CREB5: variants seen among roughly 807,000 people sequenced by gnomAD.
The protein encoded by CREB5 is cyclic AMP-responsive element-binding protein 5.
A neutral mutation model predicts 57.1 loss-of-function variants in CREB5; 19 were observed. That is an observed-to-expected ratio of 0.33 (90% confidence interval 0.23 to 0.49). CREB5 has a LOEUF of 0.49. Ranked by LOEUF, CREB5 falls within the 20% of genes least tolerant of loss-of-function variation. The pLI is 0.99. For synonymous variants in CREB5, 238 were observed against 238.3 expected (o/e 1.00, Z 0.01); for missense variants, 579 against 671.6 (o/e 0.86, Z 1.52).
chr7:28,769,447 A>G (rs1338383832), intron 7 of CREB5, among the ~76,000 whole-genome samples: 1 of 152,254 alleles, frequency 6.6e-6, no homozygotes, highest in East Asian at 1.9e-4. Flanking sequence ...CATGTTACAT[A>G]TACCCATAAA....
At position 28,665,438 on chromosome 7, in the gene CREB5, A is replaced by T. The variant is rs17156994; in HGVS notation, c.465-53315A>T. 2.1e-3 allele frequency among the ~76,000 whole-genome samples: 326 copies of T among 152,226 alleles called. 6 individuals carry two copies. In the East Asian group the frequency reaches 0.047, roughly 22 times the overall value. On this transcript the variant is annotated intron_variant, in intron 5 of 10. Transcript: ENST00000357727. ...GCTAATAAAACATAAAAACTCAAAGATGTTGTACATGGGCCATTTTTCTGA... is the reference window on the plus strand; with the variant it reads ...GCTAATAAAACATAAAAACTCAAAGTTGTTGTACATGGGCCATTTTTCTGA...
chr7:28,803,992 C>T (rs970260014), intron 7 of CREB5, among the ~76,000 whole-genome samples: 1 of 152,038 alleles, frequency 6.6e-6, no homozygotes, highest in East Asian at 1.9e-4. Flanking sequence ...CTGACATTGA[C>T]CCTCCTACTG....
chr7:28,563,971 T>A (rs1175301903), intron 4 of CREB5, among the ~76,000 whole-genome samples: 1 of 152,188 alleles, frequency 6.6e-6, no homozygotes, highest in Non-Finnish European at 1.5e-5. Flanking sequence ...ATCCAAAAAA[T>A]ACCTGTCCTG....
At chr7:28,707,602 G>A (rs756644662) in intron 5 of CREB5, among the ~76,000 whole-genome samples, 2 of 152,154 alleles carry the variant, frequency 1.3e-5, no homozygotes. Flanking sequence ...TTAGGACTCC[G>A]AGAGGTTTGC....
In CREB5 at chr7:28,685,991, T is replaced by A. The variant is rs960041809; in HGVS notation, c.465-32762T>A. 5.9e-6 allele frequency: 4 copies of A among 680,576 alleles called. No individual in the cohort carries two copies. In the South Asian group the frequency reaches 7.7e-5, roughly 13 times the overall value. 42.2% of individuals were successfully genotyped at this position (680,576 alleles called of 1,614,324 possible). ...GCGAGACCAGGAGAAAGAGAGCAAG[T>A]GAGCGAGAGCCCAGCCGGAGGGAGA... On this transcript the variant is annotated intron_variant, in intron 5 of 10. Coordinates refer to ENST00000357727, the MANE Select transcript of CREB5 (RefSeq NM_182898.4).
intron 7 of CREB5, among the ~76,000 whole-genome samples, chr7:28,741,347 G>T (rs1235976714): frequency 6.6e-6 from 1 of 152,172 alleles, no homozygotes; most frequent in Non-Finnish European, 1.5e-5. Flanking sequence ...AGGGAAGAAT[G>T]AAATAGTACT....
At chr7:28,530,575 T>A (rs1793682437) in intron 4 of CREB5, among the ~76,000 whole-genome samples, 1 of 152,204 alleles carries the variant, frequency 6.6e-6, no homozygotes, top group Non-Finnish European at 1.5e-5. Context: ...TGCTGCAAAG[T>A]TCAATACAGA....
At chr7:28,521,588 G>A (rs1157654214) in intron 4 of CREB5, among the ~76,000 whole-genome samples, 1 of 152,094 alleles carries the variant, frequency 6.6e-6, no homozygotes, top group Non-Finnish European at 1.5e-5. Context: ...ATGATTTATT[G>A]TTTATTTATA....
At chr7:28,568,751 C>A (rs999863759) in intron 4 of CREB5, among the ~76,000 whole-genome samples, 1 of 152,144 alleles carries the variant, frequency 6.6e-6, no homozygotes, top group African/African-American at 2.4e-5. Flanking sequence ...GGACTCCTGA[C>A]AAACTGTGTG....
intron 5 of CREB5, among the ~76,000 whole-genome samples, chr7:28,630,900 A>G (rs1798176153): frequency 6.6e-6 from 1 of 152,170 alleles, no homozygotes; most frequent in South Asian, 2.1e-4. Context: ...CAGAGTATGT[A>G]TGGTACAGAA....
At chr7:28,348,234 C>T (rs1368360803) in intron 1 of CREB5, among the ~76,000 whole-genome samples, 1 of 152,130 alleles carries the variant, frequency 6.6e-6, no homozygotes, top group Non-Finnish European at 1.5e-5. Flanking sequence ...TCAGGGAGAA[C>T]AACGTGGGCT....
chr7:28,667,313 C>T (rs1799864521), intron 5 of CREB5, among the ~76,000 whole-genome samples: 1 of 150,404 alleles, frequency 6.6e-6, no homozygotes, highest in South Asian at 2.1e-4. Context: ...TCGAAACTGC[C>T]AGCAAGTTTT....
intron 5 of CREB5, among the ~76,000 whole-genome samples, chr7:28,713,766 G>C (rs1802529399): frequency 6.6e-6 from 1 of 152,146 alleles, no homozygotes; most frequent in Non-Finnish European, 1.5e-5. Flanking sequence ...TTCATTACAA[G>C]ATGGTGAAAT....
At chr7:28,363,387 A>G (rs1786528004) in intron 1 of CREB5, among the ~76,000 whole-genome samples, 1 of 152,080 alleles carries the variant, frequency 6.6e-6, no homozygotes, top group Non-Finnish European at 1.5e-5. Context: ...ATGGAGTGTG[A>G]CTGCTGCTTC....
chr7:28,582,007 C>T (rs1351342756), intron 5 of CREB5, among the ~76,000 whole-genome samples: 3 of 152,102 alleles, frequency 2.0e-5, no homozygotes, highest in South Asian at 2.1e-4. Context: ...GGGTGAATGC[C>T]CCTGTACGAA....
intron 7 of CREB5, among the ~76,000 whole-genome samples, chr7:28,732,139 C>T (rs1158543961): frequency 6.6e-6 from 1 of 152,092 alleles, no homozygotes; most frequent in Non-Finnish European, 1.5e-5. Context: ...CATCTTTTCT[C>T]TTGGCCCTAC....
rs915789414 is a variant in CREB5, at chr7:28,727,371, G to A, written c.702+3039G>A. Among the ~76,000 whole-genome samples, 11 of 152,174 alleles carry A rather than the reference G, an allele frequency of 7.2e-5. No individual in the cohort carries two copies. The South Asian group carries it at 8.3e-4, about 11-fold the overall frequency. Reference sequence around the variant, plus strand: ...CCTTCTAGATTCCTGGGAGCAATACGTGTCTTAGATGAAAGTGGGATCTGC... The same window carrying A: ...CCTTCTAGATTCCTGGGAGCAATACATGTCTTAGATGAAAGTGGGATCTGC... On this transcript the variant is annotated intron_variant, in intron 7 of 10. Coordinates refer to ENST00000357727, the MANE Select transcript of CREB5 (RefSeq NM_182898.4).
chr7:28,560,919 T>TGCGCGCGCGTGC (rs1562797827), intron 4 of CREB5, among the ~76,000 whole-genome samples: 1 of 42,990 alleles, frequency 2.3e-5, no homozygotes, highest in African/African-American at 1.0e-4. Context: ...CGTGTGCGTG[T>TGCGCGCGCGTGC]GTGCGCGTGC....
At chr7:28,620,588 C>T (rs1253094439) in intron 5 of CREB5, among the ~76,000 whole-genome samples, 2 of 152,106 alleles carry the variant, frequency 1.3e-5, no homozygotes, top group East Asian at 1.9e-4. Context: ...TATTTGGCCT[C>T]GTGGAGATAC....
Sources: allele counts gnomAD v4.1 joint callset (sites outside exome capture counted in the v4.1 genomes callset), GRCh38; gene constraint gnomAD v4.1.1; transcripts MANE v1.5; gene names NCBI Gene and HGNC (gene_info 2026-07-23, HGNC 2026-07-21).